Variants in BMPR1B observed in about 807,000 individuals in gnomAD.
The protein encoded by BMPR1B is bone morphogenetic protein receptor type 1B, also known as bone morphogenetic protein receptor type-1B.
In BMPR1B, 12 loss-of-function variants were observed where a neutral mutation model predicts 59.1. That is an observed-to-expected ratio of 0.20 (90% CI 0.13 to 0.33). The LOEUF (loss-of-function observed/expected upper bound fraction) is 0.33, where lower values mean the gene tolerates loss of function less well. BMPR1B is among the 10% of genes least tolerant of loss of function. The pLI is 1.00. For synonymous variants in BMPR1B, 237 were observed against 207.3 expected (o/e 1.14, Z -1.23); for missense variants, 550 against 610.9 (o/e 0.90, Z 1.05).
chr4:95,030,677 A>G (rs1016622034), intron 3 of BMPR1B, among the ~76,000 whole-genome samples: 30 of 152,272 alleles, frequency 2.0e-4, no homozygotes, highest in African/African-American at 6.7e-4. Flanking sequence ...CAAAGTCTCC[A>G]GATACAAAAT....
chr4:94,898,177 C>T (rs1201103968), intron 2 of BMPR1B, among the ~76,000 whole-genome samples: 2 of 152,014 alleles, frequency 1.3e-5, no homozygotes, highest in East Asian at 3.9e-4. Context: ...GTCTTTAACT[C>T]CTGGCCTCAA....
chr4:94,847,974 CT>C lies in BMPR1B; in HGVS notation c.-182-27856del, dbSNP rs1311336419. On this transcript the variant is annotated intron_variant, in intron 1 of 12. Coordinates refer to ENST00000515059, the MANE Select transcript of BMPR1B (RefSeq NM_001203.3). Reference sequence around the variant, plus strand: ...GATAAATGCTTAAGGTATTGGTTACCTCATTTACCCTGATGTGATTATTATG... The same window carrying C: ...GATAAATGCTTAAGGTATTGGTTACCCATTTACCCTGATGTGATTATTATG... 4.0e-5 allele frequency among the ~76,000 whole-genome samples: 6 copies of C among 151,876 alleles called. No homozygotes were observed. The East Asian group carries it at 1.2e-3, about 29-fold the overall frequency.
intron 1 of BMPR1B, among the ~76,000 whole-genome samples, chr4:94,828,301 A>T (rs1724454423): frequency 6.6e-6 from 1 of 152,180 alleles, no homozygotes; most frequent in South Asian, 2.1e-4. Context: ...CCTGATCTGA[A>T]GTTGAGATGC....
At chr4:95,027,337 A>G (rs1333190351) in intron 3 of BMPR1B, among the ~76,000 whole-genome samples, 2 of 152,236 alleles carry the variant, frequency 1.3e-5, no homozygotes, top group Admixed American at 1.3e-4. Flanking sequence ...AAAATGCTAA[A>G]TCAGTTATCT....
At chr4:95,102,895 T>G (rs900812163) in intron 3 of BMPR1B, among the ~76,000 whole-genome samples, 2 of 152,022 alleles carry the variant, frequency 1.3e-5, no homozygotes, top group Non-Finnish European at 2.9e-5. Context: ...CATGAGATCT[T>G]GTTGAATATG....
intron 2 of BMPR1B, among the ~76,000 whole-genome samples, chr4:94,952,896 G>A (rs1237832842): frequency 6.6e-6 from 1 of 152,166 alleles, no homozygotes; most frequent in Non-Finnish European, 1.5e-5. Flanking sequence ...GGGAACCTAA[G>A]TCTCTTTGTA....
At chr4:94,921,364 A>G (rs1728679220) in intron 2 of BMPR1B, among the ~76,000 whole-genome samples, 1 of 152,140 alleles carries the variant, frequency 6.6e-6, no homozygotes, top group Non-Finnish European at 1.5e-5. Flanking sequence ...GAAATGCCTG[A>G]GACTGGGTAA....
intron 2 of BMPR1B, among the ~76,000 whole-genome samples, chr4:94,882,370 C>T (rs1727006536): frequency 6.6e-6 from 1 of 152,120 alleles, no homozygotes; most frequent in Admixed American, 6.5e-5. Context: ...AAACAAGAAA[C>T]TTTTTCTCTT....
rs1251309340 is a variant in BMPR1B at position 95,156,867 on chromosome 4, TC to T, written c.*2195del. 1 of 152,198 alleles carries T rather than the reference TC, an allele frequency of 6.6e-6. No homozygotes were observed. Among genetic ancestry groups the T allele is most frequent in the Non-Finnish European group, 1.5e-5 (1 of 68,008 alleles). The allele number at this position is 152,198 out of a possible 1,614,324, so 9.4% of individuals were successfully genotyped here. A position where few individuals can be genotyped will look rare whatever the true frequency, so the allele number is the denominator to read the frequency against. On this transcript the variant is annotated 3_prime_UTR_variant, in exon 13 of 13. Coordinates refer to ENST00000515059, the MANE Select transcript of BMPR1B (RefSeq NM_001203.3). ...ATCATCTGAGCCTTGAAGAGAAACT[TC>T]AGTGCCTCTAAACAGATCATCTACA...
intron 10 of BMPR1B, among the ~76,000 whole-genome samples, chr4:95,139,683 G>A (rs185123473): frequency 3.9e-5 from 6 of 152,122 alleles, no homozygotes; most frequent in Non-Finnish European, 7.3e-5. Flanking sequence ...AGCAATGAGC[G>A]AGGCTCCATG....
chr4:95,073,911 C>T (rs913743782), intron 3 of BMPR1B, among the ~76,000 whole-genome samples: 2 of 152,094 alleles, frequency 1.3e-5, no homozygotes, highest in Non-Finnish European at 1.5e-5. Flanking sequence ...CTTTTAAGAC[C>T]AAAGCAGAAT....
chr4:95,104,584 A>G lies in BMPR1B; in HGVS notation c.143+17A>G. The G allele has an allele frequency of 6.2e-7, 1 of 1,613,082 alleles. No homozygotes were observed. The highest frequency in any genetic ancestry group is 8.5e-7 in the Non-Finnish European group (1 of 1,179,272). Reference sequence around the variant, plus strand: ...TATTTGCAGGTTGGTGATATAAATGATTTAAAGCTAGCTTTAACAAAAAGT... The same window carrying G: ...TATTTGCAGGTTGGTGATATAAATGGTTTAAAGCTAGCTTTAACAAAAAGT... On this transcript the variant is annotated intron_variant, in intron 4 of 12. Transcript: ENST00000515059.
chr4:94,763,001 A>G (rs777034329), intron 1 of BMPR1B, among the ~76,000 whole-genome samples: 3 of 151,808 alleles, frequency 2.0e-5, no homozygotes, highest in Non-Finnish European at 4.4e-5. Context: ...TCTTTACTTC[A>G]CCTCAAATAT....
rs762371214 is a variant in BMPR1B, at chr4:95,154,532, C to T, written c.1384-16C>T. On this transcript the variant is annotated splice_polypyrimidine_tract_variant and intron_variant, in intron 12 of 12. Coordinates refer to ENST00000515059, the MANE Select transcript of BMPR1B (RefSeq NM_001203.3). ...CCTTGCAGATGATACATTTTTCTAA[C>T]ATTTCTCTTCCTCAGTGTCTAAGGC... The T allele has an allele frequency of 6.2e-7, 1 of 1,613,988 alleles. No individual in the cohort carries two copies. Among genetic ancestry groups the T allele is most frequent in the Non-Finnish European group, 8.5e-7 (1 of 1,179,908 alleles).
At position 94,980,461 on chromosome 4, in the gene BMPR1B, T is replaced by G. The variant is rs141196339; in HGVS notation, c.-112-15579T>G. 7.1e-3 allele frequency among the ~76,000 whole-genome samples: 1,075 copies of G among 152,232 alleles called. 13 individuals are homozygous for G. Among genetic ancestry groups the G allele is most frequent in the Middle Eastern group, 0.037 (11 of 294 alleles). ...GACATTGATGAGAAAAAAAATTGAT[T>G]CCCAGCCAAGGCCCCTCTTTGTATG... On this transcript the variant is annotated intron_variant, in intron 2 of 12. Coordinates refer to ENST00000515059, the MANE Select transcript of BMPR1B (RefSeq NM_001203.3).
chr4:94,796,893 AC>A lies in BMPR1B; in HGVS notation c.-183+38826del. ...ATTATAGTCAGGTATAATAGAGTTT[AC>A]TTGTTTATTTAAATATTAAATGTAG... On this transcript the variant is annotated intron_variant, in intron 1 of 12. Transcript: ENST00000515059. Among the ~76,000 whole-genome samples, 3 of 152,306 alleles carry A rather than the reference AC, an allele frequency of 2.0e-5. No homozygotes were observed. In the Middle Eastern group the frequency reaches 0.01, roughly 518 times the overall value.
intron 1 of BMPR1B, among the ~76,000 whole-genome samples, chr4:94,796,016 G>GT (rs1369441811): frequency 2.0e-5 from 3 of 151,382 alleles, no homozygotes; most frequent in African/African-American, 7.3e-5. Context: ...CCAGACTGGA[G>GT]TGCAATGATG....
At chr4:95,151,202 T>C (rs1735016997) in intron 11 of BMPR1B, among the ~76,000 whole-genome samples, 1 of 152,210 alleles carries the variant, frequency 6.6e-6, no homozygotes, top group South Asian at 2.1e-4. Context: ...GAAAACTTGA[T>C]TACATGACAT....
chr4:94,933,509 T>C (rs1374886581), intron 2 of BMPR1B, among the ~76,000 whole-genome samples: 2 of 152,102 alleles, frequency 1.3e-5, no homozygotes, highest in Admixed American at 1.3e-4. Context: ...CAAGCTTTTA[T>C]AGAGCCCAGA....
Sources: allele counts gnomAD v4.1 joint callset (sites outside exome capture counted in the v4.1 genomes callset), GRCh38; gene constraint gnomAD v4.1.1; transcripts MANE v1.5; gene names NCBI Gene and HGNC (gene_info 2026-07-23, HGNC 2026-07-21).